SORCS2: variants seen among roughly 807,000 people sequenced by gnomAD.
The protein encoded by SORCS2 is VPS10 domain-containing receptor SorCS2.
SORCS2 carries 100 observed loss-of-function variants against 141.6 expected under a neutral mutation model. The ratio of observed to expected loss-of-function variants is 0.71; its 90% confidence interval spans 0.60 to 0.83. The LOEUF (loss-of-function observed/expected upper bound fraction) is 0.83. Ranked by LOEUF, SORCS2 falls within the 40% of genes least tolerant of loss-of-function variation. The pLI is 0.00. For synonymous variants in SORCS2, 789 were observed against 676.9 expected (o/e 1.17, Z -2.57); for missense variants, 1,646 against 1,560.2 (o/e 1.05, Z -0.93).
chr4:7,298,798 G>T (rs533206442), intron 1 of SORCS2, among the ~76,000 whole-genome samples: 24 of 152,310 alleles, frequency 1.6e-4, no homozygotes, highest in African/African-American at 5.8e-4. Flanking sequence ...TGCCCAGGCC[G>T]GGTGCTGGGC....
intron 1 of SORCS2, among the ~76,000 whole-genome samples, chr4:7,218,469 A>G (rs1427446626): frequency 6.6e-6 from 1 of 152,214 alleles, no homozygotes; most frequent in East Asian, 1.9e-4. Flanking sequence ...TTTCATAGAT[A>G]TTAATTATAG....
chr4:7,695,204 A>C (rs575183192), intron 11 of SORCS2, among the ~76,000 whole-genome samples: 4 of 149,256 alleles, frequency 2.7e-5, no homozygotes, highest in Admixed American at 6.7e-5. Flanking sequence ...TAGATTAATA[A>C]AAGATGGATG....
intron 1 of SORCS2, among the ~76,000 whole-genome samples, chr4:7,320,549 A>C (rs113973029): frequency 0.016 from 2,446 of 152,358 alleles, 64 homozygotes; most frequent in African/African-American, 0.055. Flanking sequence ...CTGGTGTGAC[A>C]GCTGATGTCT....
chr4:7,506,787 T>G (rs1049886664), intron 2 of SORCS2, among the ~76,000 whole-genome samples: 1 of 152,234 alleles, frequency 6.6e-6, no homozygotes, highest in African/African-American at 2.4e-5. Flanking sequence ...TTCCTGGAGG[T>G]AGCAGACCCT....
chr4:7,461,230 G>A (rs1425965307), intron 2 of SORCS2, among the ~76,000 whole-genome samples: 6 of 152,288 alleles, frequency 3.9e-5, no homozygotes, highest in Admixed American at 6.5e-5. Context: ...CTTTCCCTCT[G>A]CCGTCACAGG....
chr4:7,735,215 C>G (rs768068253), intron 25 of SORCS2, among the ~76,000 whole-genome samples: 17 of 152,242 alleles, frequency 1.1e-4, no homozygotes, highest in Non-Finnish European at 2.4e-4. Context: ...GCCCCAGTCT[C>G]CCCATCGGGG....
Position 7,638,443 on chromosome 4 carries a change from TC to T in SORCS2, c.766del (p.His256ThrfsTer34), listed in dbSNP as rs759368051. 6.2e-7 allele frequency: 1 copy of T among 1,609,004 alleles called. No homozygotes were observed. The highest frequency in any genetic ancestry group is 8.5e-7 in the Non-Finnish European group (1 of 1,178,158). ...CCCTTCTTCGTGGAAACTCTGATTT[TC>T]CACCCTAAGGAGGAGGACAAGGTCC... ...PIPFFVETLI[F>X]HPKEEDKVLA... On this transcript the variant is annotated frameshift_variant, in exon 4 of 27. Transcript: ENST00000507866. LOFTEE classifies it high-confidence loss of function.
At chr4:7,405,546 T>C (rs1470285800) in intron 2 of SORCS2, among the ~76,000 whole-genome samples, 1 of 152,140 alleles carries the variant, frequency 6.6e-6, no homozygotes, top group Non-Finnish European at 1.5e-5. Flanking sequence ...TAGTTTTCCT[T>C]GTAGAGATCT....
intron 4 of SORCS2, among the ~76,000 whole-genome samples, chr4:7,639,320 T>C (rs1266845725): frequency 6.6e-6 from 1 of 152,246 alleles, no homozygotes; most frequent in African/African-American, 2.4e-5. Context: ...TCTCAGCTGC[T>C]GGCAGCTGCC....
At chr4:7,209,536 C>T (rs1370132618) in intron 1 of SORCS2, among the ~76,000 whole-genome samples, 1 of 152,198 alleles carries the variant, frequency 6.6e-6, no homozygotes, top group Non-Finnish European at 1.5e-5. Context: ...TGGCCGGCTC[C>T]ATGGTGCTGA....
chr4:7,506,052 C>T (rs551083261), intron 2 of SORCS2, among the ~76,000 whole-genome samples: 16 of 152,264 alleles, frequency 1.1e-4, no homozygotes, highest in Middle Eastern at 3.4e-3. Context: ...GTCCCTCTCT[C>T]TATAGGGGCA....
At chr4:7,439,505 C>A (rs1727519793) in intron 2 of SORCS2, among the ~76,000 whole-genome samples, 1 of 152,238 alleles carries the variant, frequency 6.6e-6, no homozygotes, top group African/African-American at 2.4e-5. Flanking sequence ...CACATCTTCA[C>A]ACACCTGCAG....
At chr4:7,670,187 A>C (rs1187516740) in intron 8 of SORCS2, among the ~76,000 whole-genome samples, 1 of 152,038 alleles carries the variant, frequency 6.6e-6, no homozygotes, top group Non-Finnish European at 1.5e-5. Flanking sequence ...ATGTTTTTCT[A>C]TTTTCCTTCT....
rs1560498410 is a variant in SORCS2 at position 7,706,006 on chromosome 4, A to ACAGGGATGAGGCTGGGCTCCGCCTGGG, written c.1868+1741_1868+1742insCGCCTGGGCAGGGATGAGGCTGGGCTC. ...CCTGCCCAGGCTGGCCTCTGCCTGG[A>ACAGGGATGAGGCTGGGCTCCGCCTGGG]CAGGGATGAGGCTGGGCTCTGTCTG... On this transcript the variant is annotated intron_variant, in intron 14 of 26. Coordinates refer to ENST00000507866, the MANE Select transcript of SORCS2 (RefSeq NM_020777.3). 3.2e-4 allele frequency among the ~76,000 whole-genome samples: 47 copies of ACAGGGATGAGGCTGGGCTCCGCCTGGG among 146,730 alleles called. 2 individuals carry two copies. The highest frequency in any genetic ancestry group is 5.0e-4 in the Non-Finnish European group (33 of 66,278).
At chr4:7,596,925 G>A (rs1273187108) in intron 3 of SORCS2, among the ~76,000 whole-genome samples, 1 of 152,104 alleles carries the variant, frequency 6.6e-6, no homozygotes, top group Non-Finnish European at 1.5e-5. Flanking sequence ...TGGGGTTGGG[G>A]GTGAAAGAGT....
chr4:7,610,239 G>A (rs1718319399), intron 3 of SORCS2, among the ~76,000 whole-genome samples: 1 of 152,208 alleles, frequency 6.6e-6, no homozygotes, highest in African/African-American at 2.4e-5. Context: ...CTTTGTGGGA[G>A]TCACGCCCAC....
At chr4:7,392,339 G>A (rs532729066) in intron 1 of SORCS2, among the ~76,000 whole-genome samples, 63 of 152,162 alleles carry the variant, frequency 4.1e-4, no homozygotes, top group African/African-American at 1.4e-3. Flanking sequence ...TGGGCTCTGC[G>A]GGGAGCCCCC....
intron 3 of SORCS2, among the ~76,000 whole-genome samples, chr4:7,541,498 C>T (rs1011021108): frequency 6.6e-6 from 1 of 152,220 alleles, no homozygotes; most frequent in African/African-American, 2.4e-5. Flanking sequence ...GTATCCCTAG[C>T]CTCCTCAGGA....
At chr4:7,462,626 CAG>C (rs1560305457) in intron 2 of SORCS2, among the ~76,000 whole-genome samples, 1 of 151,972 alleles carries the variant, frequency 6.6e-6, no homozygotes, top group East Asian at 2.0e-4. Context: ...CCTCTGCTGT[CAG>C]AGTGACCTTT....
Sources: gnomAD v4.1 joint callset for allele counts (sites outside exome capture counted in the v4.1 genomes callset) on GRCh38, gnomAD v4.1.1 for gene constraint, MANE v1.5 for transcripts, NCBI Gene and HGNC (gene_info 2026-07-23, HGNC 2026-07-21) for gene names.